Variants in RPP38 observed in about 807,000 individuals in gnomAD.
RPP38 encodes ribonuclease P/MRP subunit p38.
Under a neutral mutation model 1.7 loss-of-function variants are expected in RPP38, and 2 were observed. The ratio of observed to expected loss-of-function variants is 1.18; its 90% CI spans 0.48 to 3.70. The LOEUF (loss-of-function observed/expected upper bound fraction) is 3.70. Among genes scored for constraint, RPP38 ranks in the 30% most tolerant of loss-of-function variants. RPP38 has a pLI of 0.07. For synonymous variants in RPP38, 151 were observed against 131.8 expected (o/e 1.15, Z -1.00); for missense variants, 358 against 340.1 (o/e 1.05, Z -0.41).
rs1358199746 is a variant in RPP38, at chr10:15,103,587, G to A, written c.273G>A (p.Lys91=). 3.1e-6 allele frequency: 5 copies of A among 1,614,124 alleles called. No homozygotes were observed. The East Asian group carries it at 1.1e-4, about 36-fold the overall frequency. ...CTGTTGATATTAGTGAGAATCTGAA[G>A]GAGAAGAAAACAGATGCTAAGCAGC... ...SIAVDISENL[K]EKKTDAKQQV... Residue 91 remains lysine, a synonymous_variant, in exon 3 of 3, where the codon AAG becomes AAA. Coordinates refer to ENST00000378197, the MANE Select transcript of RPP38 (RefSeq NM_183005.5).
At chr10:15,100,910 T>C (rs1329884128) in intron 1 of RPP38, among the ~76,000 whole-genome samples, 4 of 152,212 alleles carry the variant, frequency 2.6e-5, no homozygotes, top group Non-Finnish European at 4.4e-5. Context: ...CTCGAACTCC[T>C]GACCTTATGA....
chr10:15,101,924 A>G (rs1158794902), intron 1 of RPP38, among the ~76,000 whole-genome samples: 1 of 152,152 alleles, frequency 6.6e-6, no homozygotes, highest in Non-Finnish European at 1.5e-5. Context: ...ATGCCTGCAT[A>G]TGTATCAAAT....
In RPP38 at chr10:15,103,233, G is replaced by A. The variant is rs544064421; in HGVS notation, c.-10-72G>A. 5,336 of 1,279,332 alleles carry A rather than the reference G, an allele frequency of 4.2e-3. 16 individuals are homozygous for A. Among genetic ancestry groups the A allele is most frequent in the Non-Finnish European group, 5.1e-3 (4,727 of 920,212 alleles). 79.2% of individuals were successfully genotyped at this position (1,279,332 alleles called of 1,614,324 possible). A position where few individuals can be genotyped will look rare whatever the true frequency, so the allele number is the denominator to read the frequency against. Reference sequence around the variant, plus strand: ...AAATAAATAAGAATCAGAGAGTACAGTCAAGATATTCTTAAGTCATGCAGT... The same window carrying A: ...AAATAAATAAGAATCAGAGAGTACAATCAAGATATTCTTAAGTCATGCAGT... On this transcript the variant is annotated intron_variant, in intron 2 of 2. Coordinates refer to ENST00000378197, the MANE Select transcript of RPP38 (RefSeq NM_183005.5).
At position 15,103,977 on chromosome 10, in the gene RPP38, T is replaced by C; in HGVS notation, c.663T>C (p.Thr221=). Reference sequence around the variant, plus strand: ...AAGATTCTGGGGAAAATTTAGAGACTGAACCTCTGGAAAGCCAAGACAGAG... The same window carrying C: ...AAGATTCTGGGGAAAATTTAGAGACCGAACCTCTGGAAAGCCAAGACAGAG... The part of the protein sequence containing the change: ...RIEDSGENLE[T]EPLESQDREL... The change falls in exon 3 of 3, where the codon ACT becomes ACC. Residue 221 remains threonine, a synonymous_variant. Coordinates refer to ENST00000378197, the MANE Select transcript of RPP38 (RefSeq NM_183005.5). 6.2e-7 allele frequency: 1 copy of C among 1,614,058 alleles called. No individual in the cohort carries two copies. Among genetic ancestry groups the C allele is most frequent in the African/African-American group, 1.3e-5 (1 of 75,016 alleles).
Position 15,101,081 on chromosome 10 carries a change from G to A in RPP38, c.-129-1137G>A, listed in dbSNP as rs560548875. ...ACCAAGCATCTGCATGTTTTAAGAA[G>A]CCACAGGTTATTTTTGAGGTGTAGC... On this transcript the variant is annotated intron_variant, in intron 1 of 2. Coordinates refer to ENST00000378197, the MANE Select transcript of RPP38 (RefSeq NM_183005.5). Among the ~76,000 whole-genome samples the A allele has an allele frequency of 3.9e-5, 6 of 152,304 alleles. No individual in the cohort carries two copies. In the East Asian group the frequency reaches 9.6e-4, roughly 24 times the overall value.
intron 1 of RPP38, among the ~76,000 whole-genome samples, chr10:15,100,365 C>T (rs1242424773): frequency 6.6e-6 from 1 of 152,126 alleles, no homozygotes; most frequent in African/African-American, 2.4e-5. Context: ...TGCATTGCAT[C>T]TGGATGAGCC....
At position 15,103,711 on chromosome 10, in the gene RPP38, C is replaced by G. The variant is rs1845199101; in HGVS notation, c.397C>G (p.Leu133Val). 2.5e-6 allele frequency: 4 copies of G among 1,613,922 alleles called. No individual in the cohort carries two copies. In the East Asian group the frequency reaches 8.9e-5, roughly 36 times the overall value. Residue 133 changes from leucine to valine, a missense_variant, in exon 3 of 3, where the codon CTG (leucine) becomes GTG (valine). Physicochemically the swap from Leu to Val is conservative, Grantham distance 32 (BLOSUM62 1). Coordinates refer to ENST00000378197, the MANE Select transcript of RPP38 (RefSeq NM_183005.5). ...GGAAAGGAGGGAACTGCTGTTAGTT[C>G]TGGTGTGTAAATCAGTCAAGCCTGC... ...ALERRELLLV[L>V]VCKSVKPAMI...
Position 15,103,775 on chromosome 10 carries a change from G to A in RPP38, c.461G>A (p.Arg154Lys). ...CACTTGATTCAGTTAAGCCTAAGCA[G>A]AAGTGTCCCTGCCTGTCAGGTCCCC... ...TSHLIQLSLS[R>K]SVPACQVPRL... is the part of the protein sequence containing the mutation. Residue 154 changes from arginine to lysine, a missense_variant, in exon 3 of 3, where the codon AGA becomes AAA. Physicochemically the swap from Arg to Lys is conservative, Grantham distance 26 (BLOSUM62 2). Coordinates refer to ENST00000378197, the MANE Select transcript of RPP38 (RefSeq NM_183005.5). 7 of 1,614,020 alleles carry A rather than the reference G, an allele frequency of 4.3e-6. No individual in the cohort carries two copies. The highest frequency in any genetic ancestry group is 5.9e-6 in the Non-Finnish European group (7 of 1,180,034).
Position 15,103,846 on chromosome 10 carries a change from C to A in RPP38, c.532C>A (p.Leu178Ile). The A allele has an allele frequency of 6.2e-7, 1 of 1,614,100 alleles. No homozygotes were observed. Among genetic ancestry groups the A allele is most frequent in the South Asian group, 1.1e-5 (1 of 91,086 alleles). ...CCCCGTCATTGGCTTAAAATGTGTT[C>A]TAGCCTTGGCGTTCAAAAAGAACAC... Reference protein sequence around the residue: ...IAPVIGLKCVLALAFKKNTTD... With the variant: ...IAPVIGLKCVIALAFKKNTTD... The change falls in exon 3 of 3, where the codon CTA (leucine) becomes ATA (isoleucine). Residue 178 changes from leucine (L) to isoleucine (I), a missense_variant. Physicochemically the swap from Leu to Ile is conservative, Grantham distance 5 (BLOSUM62 2). Coordinates refer to ENST00000378197, the MANE Select transcript of RPP38 (RefSeq NM_183005.5).
chr10:15,103,196 A>G (rs1845168779), intron 2 of RPP38, 109 bp from the exon 3 acceptor site: 1 of 1,086,948 alleles, frequency 9.2e-7, no homozygotes, highest in Admixed American at 2.9e-5. Flanking sequence ...CTGTCTCAAA[A>G]AATAAATACA....
At position 15,103,389 on chromosome 10, in the gene RPP38, GAAC is replaced by G; in HGVS notation, c.79_81del (p.Asn27del). 1 of 1,613,910 alleles carries G rather than the reference GAAC, an allele frequency of 6.2e-7. No homozygotes were observed. The highest frequency in any genetic ancestry group is 8.5e-7 in the Non-Finnish European group (1 of 1,179,956). ...GACCTCTGGTTGTGAAGACGTCGTT[GAAC>G]AACCCATACATCATCCGCTGGAGCG... On this transcript the variant is annotated inframe_deletion, in exon 3 of 3. Coordinates refer to ENST00000378197, the MANE Select transcript of RPP38 (RefSeq NM_183005.5).
At chr10:15,103,067 C>CT (rs964907243) in intron 2 of RPP38, 10 of 257,470 alleles carry the variant, frequency 3.9e-5, no homozygotes, top group African/African-American at 2.3e-4. Context: ...TGGCGGGCGC[C>CT]TGTAATCCCA....
chr10:15,103,929 A>T lies in RPP38; in HGVS notation c.615A>T (p.Val205=). ...AIIPRVPSLS[V]PWLQDRIEDS... The stretch of plus-strand genomic sequence containing the variant: ...TCCCCAGAGTCCCCAGTTTAAGTGT[A>T]CCATGGCTTCAAGACAGAATTGAAG... Residue 205 remains valine, a synonymous_variant, in exon 3 of 3, where the codon GTA becomes GTT. Transcript: ENST00000378197. 6.2e-7 allele frequency: 1 copy of T among 1,614,218 alleles called. No individual in the cohort carries two copies. Among genetic ancestry groups the T allele is most frequent in the South Asian group, 1.1e-5 (1 of 91,078 alleles).
chr10:15,101,166 G>A (rs767206726), intron 1 of RPP38, among the ~76,000 whole-genome samples: 1 of 152,240 alleles, frequency 6.6e-6, no homozygotes, highest in African/African-American at 2.4e-5. Flanking sequence ...TAGGCAGTGA[G>A]TCAGTTTCCT....
At chr10:15,100,061 A>G (rs1845068411) in intron 1 of RPP38, among the ~76,000 whole-genome samples, 1 of 152,194 alleles carries the variant, frequency 6.6e-6, no homozygotes, top group African/African-American at 2.4e-5. Flanking sequence ...AAGCTATAAA[A>G]TCTTATCAGT....
At chr10:15,102,863 TATATA>T (rs1845149666) in intron 2 of RPP38, 1 of 153,232 alleles carries the variant, frequency 6.5e-6, no homozygotes. Context: ...TAATTGGACT[TATATA>T]ATCAGGCTTG....
intron 1 of RPP38, among the ~76,000 whole-genome samples, chr10:15,099,396 C>T (rs1845050694): frequency 1.3e-5 from 2 of 151,986 alleles, no homozygotes; most frequent in African/African-American, 4.8e-5. Flanking sequence ...TTTGGGGAGG[C>T]CGAGGCTACG....
chr10:15,101,871 C>T (rs1337327558), intron 1 of RPP38, among the ~76,000 whole-genome samples: 2 of 151,794 alleles, frequency 1.3e-5, no homozygotes, highest in East Asian at 3.8e-4. Flanking sequence ...GCCTAGGCAA[C>T]AAGAGCAAAA....
At chr10:15,101,696 G>A (rs958394425) in intron 1 of RPP38, among the ~76,000 whole-genome samples, 4 of 152,036 alleles carry the variant, frequency 2.6e-5, no homozygotes, top group South Asian at 4.1e-4. Flanking sequence ...TTCGAGACCC[G>A]CCTGGCCAAC....
Sources: allele counts gnomAD v4.1 joint callset (sites outside exome capture counted in the v4.1 genomes callset), GRCh38; gene constraint gnomAD v4.1.1; transcripts MANE v1.5; gene names NCBI Gene and HGNC (gene_info 2026-07-23, HGNC 2026-07-21).